KIF26B: variants seen among roughly 807,000 people sequenced by gnomAD.
KIF26B encodes the protein kinesin family member 26B, also known as kinesin-like protein KIF26B.
Under a neutral mutation model 151.2 loss-of-function variants are expected in KIF26B, and 63 were observed. The ratio of observed to expected loss-of-function variants is 0.42; its 90% CI spans 0.34 to 0.51. The LOEUF (loss-of-function observed/expected upper bound fraction) is 0.51. Among genes scored for constraint, KIF26B ranks in the 20% least tolerant of loss-of-function variants. KIF26B has a pLI of 0.07. For missense variants in KIF26B, 2,813 were observed against 2,913.6 expected, an observed-to-expected ratio of 0.97 and a Z score of 0.79; for synonymous variants, 1,357 against 1,262.1, an observed-to-expected ratio of 1.08 and a Z score of -1.59.
At chr1:245,413,575 A>G (rs1010192271) in intron 3 of KIF26B, among the ~76,000 whole-genome samples, 8 of 152,228 alleles carry the variant, frequency 5.3e-5, no homozygotes, top group African/African-American at 1.9e-4. Context: ...AGGCGGGAGA[A>G]TCGCTTGAAC....
intron 4 of KIF26B, among the ~76,000 whole-genome samples, chr1:245,423,227 T>G (rs1773825): frequency 0.14 from 20,635 of 152,194 alleles, 1,940 homozygotes; most frequent in African/African-American, 0.26. Flanking sequence ...TATTGAGCAC[T>G]GAGTGGGCAT....
intron 4 of KIF26B, chr1:245,511,095 A>T: frequency 1.4e-6 from 1 of 717,398 alleles, no homozygotes; most frequent in Non-Finnish European, 2.6e-6. Flanking sequence ...TTATTTAGCC[A>T]TGACTTATCA....
At chr1:245,449,558 C>T (rs1337797633) in intron 4 of KIF26B, among the ~76,000 whole-genome samples, 3 of 152,138 alleles carry the variant, frequency 2.0e-5, no homozygotes, top group African/African-American at 7.2e-5. Context: ...CTGTGGCTGA[C>T]GTGTGCGTTT....
At chr1:245,443,225 CTA>C (rs1468730340) in intron 4 of KIF26B, among the ~76,000 whole-genome samples, 1 of 149,638 alleles carries the variant, frequency 6.7e-6, no homozygotes, top group Non-Finnish European at 1.5e-5. Flanking sequence ...CACTGTTCAC[CTA>C]CAGCGGTCAT....
At chr1:245,338,733 G>A (rs564147123) in intron 2 of KIF26B, among the ~76,000 whole-genome samples, 1 of 152,214 alleles carries the variant, frequency 6.6e-6, no homozygotes, top group East Asian at 1.9e-4. Context: ...CTGACCCGAA[G>A]GGCAAAGGCC....
intron 2 of KIF26B, among the ~76,000 whole-genome samples, chr1:245,236,253 A>G (rs1278926987): frequency 1.3e-5 from 2 of 152,150 alleles, no homozygotes; most frequent in South Asian, 2.1e-4. Flanking sequence ...ACCAAGGTGT[A>G]TACAGGTAAG....
At position 245,560,771 on chromosome 1, in the gene KIF26B, C is replaced by T. The variant is rs1182417694; in HGVS notation, c.1350+19821C>T. Reference sequence around the variant, plus strand: ...GCTGCCTCCACTGAAGACTCCCCTCCGCTCCTCGCACTCTCATCACTGCCC... The same window carrying T: ...GCTGCCTCCACTGAAGACTCCCCTCTGCTCCTCGCACTCTCATCACTGCCC... On this transcript the variant is annotated intron_variant, in intron 5 of 14. Coordinates refer to ENST00000407071, the MANE Select transcript of KIF26B (RefSeq NM_018012.4). This position sits in a 1 kb window ranked among gnomAD's most constrained non-coding sequence, Gnocchi z 4.3. 2.6e-5 allele frequency among the ~76,000 whole-genome samples: 4 copies of T among 152,164 alleles called. No homozygotes were observed. Among genetic ancestry groups the T allele is most frequent in the Non-Finnish European group, 2.9e-5 (2 of 68,032 alleles).
intron 4 of KIF26B, among the ~76,000 whole-genome samples, chr1:245,486,298 A>G (rs1054635248): frequency 4.6e-5 from 7 of 152,256 alleles, no homozygotes; most frequent in Admixed American, 2.0e-4. Flanking sequence ...TATTTGGAGC[A>G]AAGGAGGGAA....
In KIF26B at chr1:245,316,902, T is replaced by G. The variant is rs577616493; in HGVS notation, c.466-49932T>G. Among the ~76,000 whole-genome samples, 236 of 128,924 alleles carry G rather than the reference T, an allele frequency of 1.8e-3. 7 individuals carry two copies. The highest frequency in any genetic ancestry group is 4.0e-3 in the South Asian group (17 of 4,262). The allele number at this position is 128,924 out of a possible 152,430, so 84.6% of individuals were successfully genotyped here. On this transcript the variant is annotated intron_variant, in intron 2 of 14. Coordinates refer to ENST00000407071, the MANE Select transcript of KIF26B (RefSeq NM_018012.4). Reference sequence around the variant, plus strand: ...TTGTGTGTTTCCTGGTGCGTTTCCTTTAAGAGTCCTGGCGCCTGGGCTGTC... The same window carrying G: ...TTGTGTGTTTCCTGGTGCGTTTCCTGTAAGAGTCCTGGCGCCTGGGCTGTC...
chr1:245,549,251 T>C (rs1558210015), intron 5 of KIF26B, among the ~76,000 whole-genome samples: 1 of 152,186 alleles, frequency 6.6e-6, no homozygotes. Context: ...ATACCTGTAA[T>C]TCCTAATTAG....
At chr1:245,587,462 T>G (rs1030987928) in intron 5 of KIF26B, among the ~76,000 whole-genome samples, 3 of 152,168 alleles carry the variant, frequency 2.0e-5, no homozygotes, top group Non-Finnish European at 4.4e-5. Flanking sequence ...ATTTCTCACC[T>G]GGTTGCTTAT....
At chr1:245,688,831 C>T (rs1330773598) in intron 12 of KIF26B, 24 bp downstream of exon 12, 5 of 1,544,406 alleles carry the variant, frequency 3.2e-6, no homozygotes, top group East Asian at 2.3e-5. Flanking sequence ...CGCAGGGACG[C>T]GGGTGAGGAG....
chr1:245,184,037 G>GGTGGGA (rs1668951910), intron 2 of KIF26B, among the ~76,000 whole-genome samples: 1 of 18,788 alleles, frequency 5.3e-5, no homozygotes, highest in Non-Finnish European at 1.6e-4. Flanking sequence ...AACAGGTATG[G>GGTGGGA]GTGGGAGTTG....
At position 245,375,128 on chromosome 1, in the gene KIF26B, C is replaced by G. The variant is rs1233382126; in HGVS notation, c.999+7761C>G. 6.6e-6 allele frequency among the ~76,000 whole-genome samples: 1 copy of G among 152,088 alleles called. No homozygotes were observed. Among genetic ancestry groups the G allele is most frequent in the Non-Finnish European group, 1.5e-5 (1 of 68,010 alleles). ...TTGAGACGGCGTCTCACTCTGCCAC[C>G]CAGGCTGGAGTGCAATGGTGCGAGC... On this transcript the variant is annotated intron_variant, in intron 3 of 14. Transcript: ENST00000407071. The surrounding 1 kb of genome is among the most constrained non-coding windows in gnomAD (Gnocchi z 4.2).
chr1:245,184,371 C>T (rs1668966366), intron 2 of KIF26B, among the ~76,000 whole-genome samples: 1 of 152,032 alleles, frequency 6.6e-6, no homozygotes, highest in African/African-American at 2.4e-5. Context: ...CCCTATAGCA[C>T]ATTGAATGAG....
At chr1:245,475,433 G>A (rs568586735) in intron 4 of KIF26B, among the ~76,000 whole-genome samples, 33 of 151,794 alleles carry the variant, frequency 2.2e-4, no homozygotes, top group Non-Finnish European at 3.4e-4. Flanking sequence ...ACATTCTGAG[G>A]CGGGTCCTGG....
intron 2 of KIF26B, among the ~76,000 whole-genome samples, chr1:245,296,801 A>G (rs991261648): frequency 3.3e-5 from 5 of 152,196 alleles, no homozygotes; most frequent in Admixed American, 6.5e-5. Context: ...TCAGCTCTTC[A>G]AAAATTCTTT....
chr1:245,312,861 G>A (rs1335166734), intron 2 of KIF26B, among the ~76,000 whole-genome samples: 1 of 152,104 alleles, frequency 6.6e-6, no homozygotes, highest in East Asian at 1.9e-4. Flanking sequence ...ACAAATTCAA[G>A]GGAAGATGGA....
intron 2 of KIF26B, among the ~76,000 whole-genome samples, chr1:245,202,974 G>A (rs1044026526): frequency 6.1e-5 from 9 of 146,666 alleles, no homozygotes; most frequent in Non-Finnish European, 1.1e-4. Context: ...AACAAAAAAG[G>A]CCGGGCGCGG....
Sources: gnomAD v4.1 joint callset for allele counts (sites outside exome capture counted in the v4.1 genomes callset) on GRCh38, gnomAD v4.1.1 for gene constraint, Gnocchi (gnomAD v3.1) non-coding constraint, MANE v1.5 for transcripts, NCBI Gene and HGNC (gene_info 2026-07-23, HGNC 2026-07-21) for gene names.